Variants in COL5A1 observed in about 807,000 individuals in gnomAD.
The protein encoded by COL5A1 is collagen alpha-1(V) chain.
Under a neutral mutation model 263.7 loss-of-function variants are expected in COL5A1, and 16 were observed. The ratio of observed to expected loss-of-function variants is 0.06; its 90% CI spans 0.04 to 0.09. COL5A1 has a LOEUF of 0.09. COL5A1 is among the 10% of genes least tolerant of loss of function. COL5A1 has a pLI of 1.00. For synonymous variants in COL5A1, 1,012 were observed against 1,004.5 expected, an observed-to-expected ratio of 1.01 and a Z score of -0.14; for missense variants, 2,036 against 2,540.5, an observed-to-expected ratio of 0.80 and a Z score of 4.27.
intron 11 of COL5A1, among the ~76,000 whole-genome samples, chr9:134,745,118 C>T (rs957635495): frequency 5.3e-5 from 8 of 152,210 alleles, no homozygotes; most frequent in Admixed American, 1.3e-4. Flanking sequence ...TCTGTCCAAG[C>T]CTCAGGTGCC....
chr9:134,784,785 G>T (rs867473592), intron 29 of COL5A1, among the ~76,000 whole-genome samples: 7 of 152,258 alleles, frequency 4.6e-5, no homozygotes, highest in Admixed American at 2.0e-4. Flanking sequence ...GAGCCCGGGA[G>T]CCCGGGAATT....
intron 9 of COL5A1, among the ~76,000 whole-genome samples, chr9:134,733,582 A>T (rs7874013): frequency 0.019 from 2,832 of 152,304 alleles, 85 homozygotes; most frequent in African/African-American, 0.064. Flanking sequence ...AGAGGCATGA[A>T]AGGAGACTCT....
chr9:134,764,252 A>G (rs1472773803), intron 20 of COL5A1, among the ~76,000 whole-genome samples: 5 of 79,326 alleles, frequency 6.3e-5, no homozygotes, highest in Non-Finnish European at 1.2e-4. Flanking sequence ...CAGTGGCACC[A>G]TAGGGGGTCC....
chr9:134,813,867 C>T (rs780382186), intron 48 of COL5A1, 116 bp from the exon 49 acceptor site: 73 of 1,133,304 alleles, frequency 6.4e-5, no homozygotes, highest in Non-Finnish European at 8.3e-5. Flanking sequence ...ACCCCTGGGT[C>T]CTGGGTGCCC....
chr9:134,842,021 G>A lies in COL5A1; in HGVS notation c.5371-136G>A, dbSNP rs931915222. On this transcript the variant is annotated intron_variant, in intron 65 of 65. Transcript: ENST00000371817. This position sits in a 1 kb window ranked among gnomAD's most constrained non-coding sequence, Gnocchi z 5.8. ...GCCATATTTCCTCCAACACTTGCCC[G>A]GGCAAGCGCAGCCCTGGGTAGGAGA... 13 of 951,750 alleles carry A rather than the reference G, an allele frequency of 1.4e-5. No individual in the cohort carries two copies. The highest frequency in any genetic ancestry group is 4.9e-5 in the African/African-American group (3 of 61,352). 59.0% of individuals were successfully genotyped at this position (951,750 alleles called of 1,614,324 possible).
rs964177935 is a variant in COL5A1, at chr9:134,754,520, C to T, written c.1827+194C>T. On this transcript the variant is annotated intron_variant, in intron 16 of 65. Coordinates refer to ENST00000371817, the MANE Select transcript of COL5A1 (RefSeq NM_000093.5). This position sits in a 1 kb window ranked among gnomAD's most constrained non-coding sequence, Gnocchi z 4.3. Reference sequence around the variant, plus strand: ...TGGGAGGGGCGCTCTGTGTCCTGGGCGCAGACACAGCGGACCAGGCCTCTT... The same window carrying T: ...TGGGAGGGGCGCTCTGTGTCCTGGGTGCAGACACAGCGGACCAGGCCTCTT... 3.3e-5 allele frequency among the ~76,000 whole-genome samples: 5 copies of T among 152,234 alleles called. No individual in the cohort carries two copies. The highest frequency in any genetic ancestry group is 6.5e-5 in the Admixed American group (1 of 15,294).
chr9:134,823,158 C>T, intron 60 of COL5A1, 125 bp downstream of exon 60: 4 of 1,232,644 alleles, frequency 3.2e-6, no homozygotes, highest in Non-Finnish European at 4.7e-6. Context: ...CACGATCCTC[C>T]CATCTTTCTA....
rs1838820181 is a variant in COL5A1 at position 134,817,795 on chromosome 9, A to T, written c.4194A>T (p.Ala1398=). The T allele has an allele frequency of 6.2e-7, 1 of 1,611,792 alleles. No homozygotes were observed. The highest frequency in any genetic ancestry group is 8.5e-7 in the Non-Finnish European group (1 of 1,179,076). ...PPGKRGPPGP[A]GPEGRQGEKG... is the part of the protein sequence containing the mutation. Reference sequence around the variant, plus strand: ...TCTTTCAGGGTCCCCCAGGCCCCGCAGGCCCCGAAGGCAGACAGGGAGAGA... The same window carrying T: ...TCTTTCAGGGTCCCCCAGGCCCCGCTGGCCCCGAAGGCAGACAGGGAGAGA... Residue 1398 remains alanine (A), a synonymous_variant, in exon 54 of 66, where the codon GCA becomes GCT. Transcript: ENST00000371817.
At position 134,782,654 on chromosome 9, in the gene COL5A1, G is replaced by T. The variant is rs538478156; in HGVS notation, c.2431-13G>T. On this transcript the variant is annotated splice_polypyrimidine_tract_variant and intron_variant, in intron 28 of 65. Coordinates refer to ENST00000371817, the MANE Select transcript of COL5A1 (RefSeq NM_000093.5). ...CTTGCCTAGACTAGGGCACTCTCTT[G>T]TCCCATATTCAGGGTGAAGACGGCT... 19 of 1,613,668 alleles carry T rather than the reference G, an allele frequency of 1.2e-5. No homozygotes were observed. The highest frequency in any genetic ancestry group is 4.0e-5 in the African/African-American group (3 of 74,928).
chr9:134,685,991 C>T (rs1833067362), intron 1 of COL5A1, among the ~76,000 whole-genome samples: 1 of 151,058 alleles, frequency 6.6e-6, no homozygotes, highest in South Asian at 2.1e-4. Context: ...CATCCATCCA[C>T]CCACCCATCC....
intron 4 of COL5A1, among the ~76,000 whole-genome samples, chr9:134,715,192 C>T (rs1265576348): frequency 2.0e-5 from 3 of 152,096 alleles, no homozygotes; most frequent in East Asian, 1.9e-4. Context: ...AGCAGGAAAA[C>T]GTGAACAAAT....
At position 134,681,511 on chromosome 9, in the gene COL5A1, G is replaced by C. The variant is rs145555531; in HGVS notation, c.110-9401G>C. On this transcript the variant is annotated intron_variant, in intron 1 of 65. Coordinates refer to ENST00000371817, the MANE Select transcript of COL5A1 (RefSeq NM_000093.5). This position sits in a 1 kb window ranked among gnomAD's most constrained non-coding sequence, Gnocchi z 4.3. ...GGCCACGGGTGGGACCGGAATGGAG[G>C]CTGCCAGCTGTGTCTGGAGAGGCCA... 1.4e-4 allele frequency among the ~76,000 whole-genome samples: 21 copies of C among 152,308 alleles called. No individual in the cohort carries two copies. The East Asian group carries it at 3.7e-3, about 27-fold the overall frequency.
chr9:134,840,926 G>T (rs1175456593), intron 65 of COL5A1, among the ~76,000 whole-genome samples: 1 of 152,210 alleles, frequency 6.6e-6, no homozygotes, highest in Non-Finnish European at 1.5e-5. Flanking sequence ...ATCATAGTCA[G>T]GGAGAATAAG....
intron 13 of COL5A1, among the ~76,000 whole-genome samples, chr9:134,751,619 G>A (rs933549154): frequency 7.1e-6 from 1 of 141,748 alleles, no homozygotes; most frequent in Admixed American, 6.9e-5. Context: ...ACTTGGCTCC[G>A]GATTGCTGAT....
chr9:134,756,029 T>C (rs902042438), intron 16 of COL5A1, among the ~76,000 whole-genome samples: 2 of 152,120 alleles, frequency 1.3e-5, no homozygotes, highest in South Asian at 2.1e-4. Context: ...CTGGCTGGGG[T>C]GCCTCATTGG....
Position 134,730,293 on chromosome 9 carries a change from G to A in COL5A1, c.982G>A (p.Gly328Arg). 1 of 1,614,224 alleles carries A rather than the reference G, an allele frequency of 6.2e-7. No homozygotes were observed. Among genetic ancestry groups the A allele is most frequent in the African/African-American group, 1.3e-5 (1 of 75,070 alleles). Residue 328 changes from glycine (G) to arginine (R), a missense_variant, in exon 7 of 66, where the codon GGG becomes AGG. Transcript: ENST00000371817. ...APMPETSEGAGKEEDVGIGDY... is the reference protein window; with the variant it reads ...APMPETSEGARKEEDVGIGDY... Reference sequence around the variant, plus strand: ...CATGCCTGAAACCAGTGAAGGGGCTGGGAAGGAAGAGGACGTCGGCATCGG... The same window carrying A: ...CATGCCTGAAACCAGTGAAGGGGCTAGGAAGGAAGAGGACGTCGGCATCGG...
At position 134,686,997 on chromosome 9, in the gene COL5A1, G is replaced by A. The variant is rs1564387690; in HGVS notation, c.110-3915G>A. ...TACAGTCTCCGGGAGACCCGGCGTG[G>A]TGGGGTCAGGAGGCCCCACTCCACT... On this transcript the variant is annotated intron_variant, in intron 1 of 65. Coordinates refer to ENST00000371817, the MANE Select transcript of COL5A1 (RefSeq NM_000093.5). The surrounding 1 kb of genome is among the most constrained non-coding windows in gnomAD (Gnocchi z 4.6). Among the ~76,000 whole-genome samples the A allele has an allele frequency of 6.6e-6, 1 of 152,158 alleles. No homozygotes were observed. Among genetic ancestry groups the A allele is most frequent in the Non-Finnish European group, 1.5e-5 (1 of 68,018 alleles).
chr9:134,833,067 T>G (rs538722296), intron 64 of COL5A1, among the ~76,000 whole-genome samples: 1 of 152,338 alleles, frequency 6.6e-6, no homozygotes, highest in South Asian at 2.1e-4. Context: ...AGAGCAGGTC[T>G]CAGGTGCTGG....
intron 50 of COL5A1, 120 bp downstream of exon 50, chr9:134,815,024 G>T: frequency 1.4e-6 from 1 of 722,718 alleles, no homozygotes; most frequent in African/African-American, 1.8e-5. Context: ...CATTCCATGT[G>T]TTGGGTAAAT....
Sources: gnomAD v4.1 joint callset for allele counts (sites outside exome capture counted in the v4.1 genomes callset) on GRCh38, gnomAD v4.1.1 for gene constraint, Gnocchi (gnomAD v3.1) non-coding constraint, MANE v1.5 for transcripts, NCBI Gene and HGNC (gene_info 2026-07-23, HGNC 2026-07-21) for gene names.